BIRC2: variants seen among roughly 807,000 people sequenced by gnomAD.
BIRC2 encodes the protein baculoviral IAP repeat containing 2.
BIRC2 carries 18 observed loss-of-function variants against 60.9 expected under a neutral mutation model. The observed-to-expected ratio is 0.30, with a 90% CI of 0.20 to 0.44. The LOEUF is 0.44. Among genes scored for constraint, BIRC2 ranks in the 20% least tolerant of loss-of-function variants. BIRC2 has a pLI of 1.00. For missense variants in BIRC2, 701 were observed against 728.5 expected (o/e 0.96, Z 0.43); for synonymous variants, 282 against 247.7 (o/e 1.14, Z -1.30).
intron 5 of BIRC2, among the ~76,000 whole-genome samples, chr11:102,365,743 A>AGT (rs34130638): frequency 0.14 from 21,259 of 147,526 alleles, 1,521 homozygotes; most frequent in Middle Eastern, 0.2. Flanking sequence ...CATTCAGCTA[A>AGT]GTGTGTGTGT....
At chr11:102,371,607 A>G (rs1951632447) in intron 6 of BIRC2, among the ~76,000 whole-genome samples, 1 of 147,604 alleles carries the variant, frequency 6.8e-6, no homozygotes, top group Admixed American at 6.7e-5. Context: ...ATGTTCATCA[A>G]GGATATTGGT....
chr11:102,355,747 C>G (rs151233871), intron 3 of BIRC2, among the ~76,000 whole-genome samples: 3 of 151,984 alleles, frequency 2.0e-5, no homozygotes, highest in Non-Finnish European at 4.4e-5. Context: ...TTTAAGAACA[C>G]GAGATTGTTT....
chr11:102,355,862 T>C (rs180868015), intron 3 of BIRC2, among the ~76,000 whole-genome samples: 2 of 152,316 alleles, frequency 1.3e-5, no homozygotes, highest in African/African-American at 2.4e-5. Flanking sequence ...AGTATTTTAT[T>C]GTTTTGGTGC....
At chr11:102,369,007 T>C (rs1166258395) in intron 6 of BIRC2, among the ~76,000 whole-genome samples, 1 of 152,036 alleles carries the variant, frequency 6.6e-6, no homozygotes, top group Non-Finnish European at 1.5e-5. Context: ...GAACTTACAA[T>C]GAAATTCTGG....
Position 102,366,376 on chromosome 11 carries a change from T to G in BIRC2, c.1124-1930T>G, listed in dbSNP as rs534754400. Among the ~76,000 whole-genome samples, 8 of 152,102 alleles carry G rather than the reference T, an allele frequency of 5.3e-5. No individual in the cohort carries two copies. In the South Asian group the frequency reaches 8.3e-4, roughly 16 times the overall value. On this transcript the variant is annotated intron_variant, in intron 5 of 8. Transcript: ENST00000227758. ...CATCTCACCATCTCCACCACTGTTT[T>G]TTTTTTTTGAGATGGAGTCTTGCTC... is the stretch of plus-strand genomic sequence containing the variant.
chr11:102,367,928 C>G (rs969353652), intron 5 of BIRC2, among the ~76,000 whole-genome samples: 1 of 152,186 alleles, frequency 6.6e-6, no homozygotes, highest in African/African-American at 2.4e-5. Flanking sequence ...CCCCACTTTC[C>G]TGGCTGGAGA....
At position 102,349,209 on chromosome 11, in the gene BIRC2, T is replaced by G. The variant is rs35669423; in HGVS notation, c.-646T>G. On this transcript the variant is annotated 5_prime_UTR_variant, in exon 2 of 9. Transcript: ENST00000227758. The stretch of plus-strand genomic sequence containing the variant: ...TCAACAAAGCTTGTGGGTATTGACT[T>G]CCCCCAAAAGTTGTCAGCTGAAGTA... The G allele has an allele frequency of 9.1e-3, 1,387 of 152,454 alleles. 15 individuals are homozygous for G. Among genetic ancestry groups the G allele is most frequent in the Middle Eastern group, 0.044 (13 of 294 alleles). The allele number at this position is 152,454 out of a possible 1,614,324, so 9.4% of individuals were successfully genotyped here.
chr11:102,364,608 C>T (rs1015471210), intron 5 of BIRC2, among the ~76,000 whole-genome samples: 3 of 152,092 alleles, frequency 2.0e-5, no homozygotes, highest in East Asian at 1.9e-4. Flanking sequence ...GTAGTAATCC[C>T]GTTTTATGTG....
At position 102,368,558 on chromosome 11, in the gene BIRC2, G is replaced by C; in HGVS notation, c.1366+10G>C. On this transcript the variant is annotated intron_variant, in intron 6 of 8. Coordinates refer to ENST00000227758, the MANE Select transcript of BIRC2 (RefSeq NM_001166.5). ...GAAGAAATGGCATCAGGTATTTGGG[G>C]ATGTTAGTCACCTGCATTGTTTCTC... is the stretch of plus-strand genomic sequence containing the variant. 1 of 1,611,482 alleles carries C rather than the reference G, an allele frequency of 6.2e-7. No homozygotes were observed. Among genetic ancestry groups the C allele is most frequent in the African/African-American group, 1.3e-5 (1 of 74,806 alleles).
intron 3 of BIRC2, among the ~76,000 whole-genome samples, chr11:102,357,077 T>A (rs1251122987): frequency 6.6e-6 from 1 of 152,202 alleles, no homozygotes. Flanking sequence ...ACTTGATATA[T>A]GATTCTTCTA....
chr11:102,373,372 A>C (rs572023187), intron 6 of BIRC2, among the ~76,000 whole-genome samples: 9 of 152,118 alleles, frequency 5.9e-5, no homozygotes, highest in Non-Finnish European at 1.2e-4. Context: ...GGTGGTGACA[A>C]AATCTCTCAC....
chr11:102,354,208 T>G (rs1482550715), intron 3 of BIRC2, among the ~76,000 whole-genome samples: 2 of 152,228 alleles, frequency 1.3e-5, no homozygotes, highest in African/African-American at 4.8e-5. Flanking sequence ...GGTAGGATTT[T>G]ATTTTATTTT....
chr11:102,377,441 G>A, intron 6 of BIRC2, 55 bp from the exon 7 acceptor site: 1 of 1,455,156 alleles, frequency 6.9e-7, no homozygotes, highest in Non-Finnish European at 9.3e-7. Context: ...GACTATATGA[G>A]TATAGTTAAA....
intron 5 of BIRC2, among the ~76,000 whole-genome samples, chr11:102,365,865 T>C (rs1164602093): frequency 1.3e-5 from 2 of 152,172 alleles, no homozygotes; most frequent in Non-Finnish European, 2.9e-5. Flanking sequence ...AGTGCTGGGA[T>C]TGCAGGCATG....
chr11:102,364,172 T>TATATATATATATATATATATACAC, intron 5 of BIRC2, among the ~76,000 whole-genome samples: 1 of 89,726 alleles, frequency 1.1e-5, no homozygotes, highest in East Asian at 3.6e-4. Flanking sequence ...TATATATATA[T>TATATATATATATATATATATACAC]ATACACACAC....
chr11:102,369,250 G>A (rs1344193815), intron 6 of BIRC2, among the ~76,000 whole-genome samples: 4 of 148,346 alleles, frequency 2.7e-5, no homozygotes, highest in Admixed American at 2.0e-4. Flanking sequence ...TGCCATGCTG[G>A]TGCGCTGCAC....
At chr11:102,366,523 C>T (rs1018626616) in intron 5 of BIRC2, among the ~76,000 whole-genome samples, 4 of 152,046 alleles carry the variant, frequency 2.6e-5, no homozygotes, top group Admixed American at 6.6e-5. Context: ...CCCACCACCA[C>T]GCCCGGCTAA....
intron 6 of BIRC2, among the ~76,000 whole-genome samples, chr11:102,372,489 C>T (rs1234912040): frequency 6.6e-6 from 1 of 152,036 alleles, no homozygotes; most frequent in Non-Finnish European, 1.5e-5. Flanking sequence ...TTGAGTGTTT[C>T]TTAATCCTGA....
intron 3 of BIRC2, among the ~76,000 whole-genome samples, chr11:102,354,944 GTT>G (rs61520984): frequency 2.9e-4 from 26 of 89,644 alleles, no homozygotes; most frequent in South Asian, 3.9e-4. Flanking sequence ...AATTATTTGG[GTT>G]TTTTTTTTTT....
Sources: allele counts gnomAD v4.1 joint callset (sites outside exome capture counted in the v4.1 genomes callset), GRCh38; gene constraint gnomAD v4.1.1; transcripts MANE v1.5; gene names NCBI Gene and HGNC (gene_info 2026-07-23, HGNC 2026-07-21).